The following PCDHGB5 variants were observed in gnomAD, a reference collection of about 807,000 sequenced individuals.
The protein encoded by PCDHGB5 is protocadherin gamma subfamily B, 5, also known as protocadherin gamma-B5.
In PCDHGB5, 48 loss-of-function variants were observed where a neutral mutation model predicts 62.9. The ratio of observed to expected loss-of-function variants is 0.76; its 90% confidence interval spans 0.61 to 0.97. The LOEUF (loss-of-function observed/expected upper bound fraction) is 0.97. Among genes scored for constraint, PCDHGB5 ranks in the 50% least tolerant of loss-of-function variants. PCDHGB5 has a pLI of 0.00. For missense variants in PCDHGB5, 1,118 were observed against 1,198.6 expected, an observed-to-expected ratio of 0.93 and a Z score of 0.99; for synonymous variants, 474 against 511.2, an observed-to-expected ratio of 0.93 and a Z score of 0.98.
intron 1 of PCDHGB5, among the ~76,000 whole-genome samples, chr5:141,469,716 A>G (rs1189597018): frequency 3.9e-5 from 6 of 152,260 alleles, no homozygotes; most frequent in African/African-American, 1.4e-4. Context: ...CACTATTAGG[A>G]ATTTATCATA....
At chr5:141,473,335 C>T (rs1243738475) in intron 1 of PCDHGB5, among the ~76,000 whole-genome samples, 3 of 152,184 alleles carry the variant, frequency 2.0e-5, no homozygotes, top group Non-Finnish European at 4.4e-5. Context: ...GCCTGCTGTG[C>T]TAGACAGTGA....
rs376452870 is a variant in PCDHGB5 at position 141,423,273 on chromosome 5, G to A, written c.2397+22749G>A. 34 of 1,613,778 alleles carry A rather than the reference G, an allele frequency of 2.1e-5. No homozygotes were observed. In the African/African-American group the frequency reaches 4.4e-4, roughly 21 times the overall value. Reference sequence around the variant, plus strand: ...CGGACCTCGGCAGCCTCGAGTCTCTGGCTAACTCTGAAACCTCAGACCTCT... The same window carrying A: ...CGGACCTCGGCAGCCTCGAGTCTCTAGCTAACTCTGAAACCTCAGACCTCT... On this transcript the variant is annotated intron_variant, in intron 1 of 3. Coordinates refer to ENST00000617380, the MANE Select transcript of PCDHGB5 (RefSeq NM_018925.3).
At chr5:141,407,590 T>C (rs186034148) in intron 1 of PCDHGB5, among the ~76,000 whole-genome samples, 64 of 152,240 alleles carry the variant, frequency 4.2e-4, no homozygotes, top group Non-Finnish European at 7.1e-4. Context: ...CCTTAATGTC[T>C]CATCTTAAAA....
intron 1 of PCDHGB5, among the ~76,000 whole-genome samples, chr5:141,482,857 A>T (rs2099573663): frequency 6.6e-6 from 1 of 152,140 alleles, no homozygotes; most frequent in Admixed American, 6.5e-5. Flanking sequence ...AGATCACTTG[A>T]GGTCAGGAGT....
intron 1 of PCDHGB5, among the ~76,000 whole-genome samples, chr5:141,425,922 A>G (rs1485934946): frequency 6.6e-6 from 1 of 152,240 alleles, no homozygotes; most frequent in Non-Finnish European, 1.5e-5. Context: ...TCACTACGAA[A>G]ACTCATAAAA....
At chr5:141,435,575 C>T (rs1054936213) in intron 1 of PCDHGB5, among the ~76,000 whole-genome samples, 2 of 152,088 alleles carry the variant, frequency 1.3e-5, no homozygotes, top group South Asian at 2.1e-4. Context: ...AGTACTGGGG[C>T]AAATTTGCAG....
At chr5:141,507,450 CAG>C (rs940460926) in intron 3 of PCDHGB5, among the ~76,000 whole-genome samples, 3 of 152,168 alleles carry the variant, frequency 2.0e-5, no homozygotes, top group African/African-American at 7.2e-5. Flanking sequence ...GACGGAAGGA[CAG>C]AGAGAGAGGT....
Position 141,481,770 on chromosome 5 carries a change from G to T in PCDHGB5, c.2398-13037G>T, listed in dbSNP as rs188953511. 6.1e-3 allele frequency among the ~76,000 whole-genome samples: 929 copies of T among 152,184 alleles called. 10 individuals are homozygous for T. Among genetic ancestry groups the T allele is most frequent in the African/African-American group, 0.022 (895 of 41,516 alleles). On this transcript the variant is annotated intron_variant, in intron 1 of 3. Coordinates refer to ENST00000617380, the MANE Select transcript of PCDHGB5 (RefSeq NM_018925.3). ...AGTCCAAGACCAGCCTGGCCAACAT[G>T]GTGAAACCCCGTCTCTACTAAAAAT... is the stretch of plus-strand genomic sequence containing the variant.
chr5:141,429,232 G>T (rs938585192), intron 1 of PCDHGB5: 2 of 151,668 alleles, frequency 1.3e-5, no homozygotes, highest in Non-Finnish European at 2.9e-5. Flanking sequence ...TTATGATACT[G>T]CTGTCATTGA....
At position 141,431,696 on chromosome 5, in the gene PCDHGB5, G is replaced by T; in HGVS notation, c.2397+31172G>T. ...AGGGGAGTTGGACCACGAGGAGTCA[G>T]GATTCTACCAGATGGAAGTGCAAGC... On this transcript the variant is annotated intron_variant, in intron 1 of 3. Transcript: ENST00000617380. The surrounding 1 kb of genome is among the most constrained non-coding windows in gnomAD (Gnocchi z 4.8). 6.2e-7 allele frequency: 1 copy of T among 1,614,238 alleles called. No individual in the cohort carries two copies. Among genetic ancestry groups the T allele is most frequent in the Non-Finnish European group, 8.5e-7 (1 of 1,180,038 alleles).
intron 1 of PCDHGB5, chr5:141,414,623 C>G: frequency 6.2e-7 from 1 of 1,613,938 alleles, no homozygotes; most frequent in South Asian, 1.1e-5. Context: ...GCGCTGGACC[C>G]GGACAGCAAA....
chr5:141,433,067 T>C, intron 1 of PCDHGB5: 3 of 1,614,144 alleles, frequency 1.9e-6, no homozygotes, highest in Non-Finnish European at 2.5e-6. Context: ...TCACCTGATC[T>C]TCCCCCAGCC....
intron 3 of PCDHGB5, among the ~76,000 whole-genome samples, chr5:141,506,116 A>T: frequency 6.6e-6 from 1 of 152,136 alleles, no homozygotes; most frequent in East Asian, 1.9e-4. Flanking sequence ...AAGAGTCACT[A>T]GGGCCCAGAG....
At chr5:141,459,710 C>T (rs2098973565) in intron 1 of PCDHGB5, among the ~76,000 whole-genome samples, 1 of 152,204 alleles carries the variant, frequency 6.6e-6, no homozygotes, top group Non-Finnish European at 1.5e-5. Flanking sequence ...CATTTTCTCA[C>T]CAATGCTTCC....
intron 1 of PCDHGB5, chr5:141,418,422 G>T: frequency 6.2e-7 from 1 of 1,613,996 alleles, no homozygotes; most frequent in Non-Finnish European, 8.5e-7. Context: ...AATCCTGATG[G>T]TGGCAAATAT....
At position 141,490,406 on chromosome 5, in the gene PCDHGB5, T is replaced by G; in HGVS notation, c.2398-4401T>G. On this transcript the variant is annotated intron_variant, in intron 1 of 3. Transcript: ENST00000617380. This position sits in a 1 kb window ranked among gnomAD's most constrained non-coding sequence, Gnocchi z 5.4. ...AGAAATGGTGAAGTGAGCCTTGATA[T>G]CTCTCCGGACCTGCCATTTCAGATT... is the stretch of plus-strand genomic sequence containing the variant. The G allele has an allele frequency of 1.9e-6, 3 of 1,614,112 alleles. No individual in the cohort carries two copies. Among genetic ancestry groups the G allele is most frequent in the Non-Finnish European group, 2.5e-6 (3 of 1,180,020 alleles).
chr5:141,433,305 C>T, intron 1 of PCDHGB5: 1 of 931,032 alleles, frequency 1.1e-6, no homozygotes, highest in Non-Finnish European at 1.6e-6. Flanking sequence ...GCAATTATCC[C>T]ACCTTTGCCT....
At chr5:141,468,871 T>TAAG (rs796694379) in intron 1 of PCDHGB5, among the ~76,000 whole-genome samples, 1 of 148,338 alleles carries the variant, frequency 6.7e-6, no homozygotes, top group African/African-American at 2.5e-5. Flanking sequence ...ATCTCAAAAA[T>TAAG]AATAATAATA....
At position 141,476,669 on chromosome 5, in the gene PCDHGB5, C is replaced by G; in HGVS notation, c.2398-18138C>G. ...AAATGAATACTTTGCGCTTCGCGTGCAGACGCGGGAGGACAGCACCAAGTA... is the reference window on the plus strand; with the variant it reads ...AAATGAATACTTTGCGCTTCGCGTGGAGACGCGGGAGGACAGCACCAAGTA... On this transcript the variant is annotated intron_variant, in intron 1 of 3. Coordinates refer to ENST00000617380, the MANE Select transcript of PCDHGB5 (RefSeq NM_018925.3). This position sits in a 1 kb window ranked among gnomAD's most constrained non-coding sequence, Gnocchi z 7.6. 6.2e-7 allele frequency: 1 copy of G among 1,614,246 alleles called. No individual in the cohort carries two copies. The highest frequency in any genetic ancestry group is 1.1e-5 in the South Asian group (1 of 91,086).
Sources: gnomAD v4.1 joint callset for allele counts (sites outside exome capture counted in the v4.1 genomes callset) on GRCh38, gnomAD v4.1.1 for gene constraint, Gnocchi (gnomAD v3.1) non-coding constraint, MANE v1.5 for transcripts, NCBI Gene and HGNC (gene_info 2026-07-23, HGNC 2026-07-21) for gene names.